PTPRT: variants seen among roughly 807,000 people sequenced by gnomAD.
PTPRT encodes the protein protein tyrosine phosphatase receptor type T, also known as receptor-type tyrosine-protein phosphatase T.
In PTPRT, 56 loss-of-function variants were observed where a neutral mutation model predicts 176.8. The observed-to-expected ratio is 0.32, with a 90% CI of 0.26 to 0.40. The LOEUF is 0.40. Ranked by LOEUF, PTPRT falls within the 10% of genes least tolerant of loss-of-function variation. The probability of loss-of-function intolerance (pLI) is 1.00; values close to 1 mark genes in which losing one functional copy is unlikely to be tolerated. For synonymous variants in PTPRT, 783 were observed against 739.0 expected (o/e 1.06, Z -0.96); for missense variants, 1,540 against 1,908.2 (o/e 0.81, Z 3.60).
In PTPRT at chr20:42,169,743, A is replaced by AACACACACACACAC. The variant is rs56329932; in HGVS notation, c.2492-8215_2492-8202dup. On this transcript the variant is annotated intron_variant, in intron 16 of 30. Transcript: ENST00000373187. ...GATACCGTGAAAAGTACAATTTTCA[A>AACACACACACACAC]ACACACACACACACACACACACACA... is the stretch of plus-strand genomic sequence containing the variant. Among the ~76,000 whole-genome samples the AACACACACACACAC allele has an allele frequency of 1.8e-3, 190 of 104,624 alleles. 2 individuals carry two copies. The highest frequency in any genetic ancestry group is 4.9e-3 in the African/African-American group (127 of 25,992). The allele number at this position is 104,624 out of a possible 152,430, so 68.6% of individuals were successfully genotyped here.
chr20:42,111,372 A>G (rs996322265), intron 22 of PTPRT, among the ~76,000 whole-genome samples: 10 of 152,324 alleles, frequency 6.6e-5, no homozygotes, highest in Admixed American at 1.3e-4. Context: ...GCCTTGTGCT[A>G]GGTACTAGGA....
At chr20:42,893,915 G>A (rs2079244115) in intron 1 of PTPRT, among the ~76,000 whole-genome samples, 1 of 151,846 alleles carries the variant, frequency 6.6e-6, no homozygotes. Context: ...AATGCTAAAT[G>A]ACGAGTTAAT....
At chr20:42,706,827 C>G (rs573928878) in intron 6 of PTPRT, among the ~76,000 whole-genome samples, 2 of 152,322 alleles carry the variant, frequency 1.3e-5, no homozygotes, top group South Asian at 4.1e-4. Flanking sequence ...CTCAGTACCT[C>G]AGAATGTTAC....
At chr20:42,107,031 TTA>T (rs1986517638) in intron 23 of PTPRT, 110 bp from the exon 24 acceptor site, 2 of 1,366,520 alleles carry the variant, frequency 1.5e-6, no homozygotes, top group South Asian at 3.0e-5. Context: ...AGGCTCTAGA[TTA>T]TGTGTTCCCA....
At chr20:42,461,249 C>T (rs2071013778) in intron 8 of PTPRT, among the ~76,000 whole-genome samples, 1 of 152,220 alleles carries the variant, frequency 6.6e-6, no homozygotes, top group African/African-American at 2.4e-5. Context: ...ATGGCTTGAA[C>T]CTGGGAGGCG....
chr20:42,418,210 G>T (rs2059084355), intron 9 of PTPRT, among the ~76,000 whole-genome samples: 1 of 152,134 alleles, frequency 6.6e-6, no homozygotes, highest in African/African-American at 2.4e-5. Context: ...AAATTACATG[G>T]TCAAATGATA....
intron 7 of PTPRT, among the ~76,000 whole-genome samples, chr20:42,521,696 T>C (rs1341898221): frequency 6.6e-6 from 1 of 152,236 alleles, no homozygotes; most frequent in African/African-American, 2.4e-5. Flanking sequence ...TTCCTGCATG[T>C]TGATAGCAAT....
intron 6 of PTPRT, among the ~76,000 whole-genome samples, chr20:42,733,710 G>T (rs1442146550): frequency 6.6e-6 from 1 of 152,206 alleles, no homozygotes; most frequent in Non-Finnish European, 1.5e-5. Flanking sequence ...GCCATCGGAG[G>T]CTACAGGCTT....
chr20:42,224,721 T>C (rs980818413), intron 15 of PTPRT, among the ~76,000 whole-genome samples: 13 of 152,204 alleles, frequency 8.5e-5, no homozygotes, highest in African/African-American at 2.9e-4. Context: ...CCTCTCTTTA[T>C]AGACTGTGGC....
intron 3 of PTPRT, among the ~76,000 whole-genome samples, chr20:42,786,785 C>G (rs1419773437): frequency 6.6e-6 from 1 of 152,166 alleles, no homozygotes; most frequent in African/African-American, 2.4e-5. Flanking sequence ...TGCCCATGAG[C>G]TTTTAGAGAT....
intron 2 of PTPRT, among the ~76,000 whole-genome samples, chr20:42,818,757 C>T (rs2077836355): frequency 6.6e-6 from 1 of 152,150 alleles, no homozygotes; most frequent in Non-Finnish European, 1.5e-5. Flanking sequence ...GAAGCATACA[C>T]AAGCATCAAC....
At chr20:42,633,918 A>AT (rs1344704143) in intron 7 of PTPRT, among the ~76,000 whole-genome samples, 39 of 61,880 alleles carry the variant, frequency 6.3e-4, no homozygotes, top group South Asian at 2.5e-3. Flanking sequence ...ATATAATTAT[A>AT]TATAATATAT....
intron 2 of PTPRT, among the ~76,000 whole-genome samples, chr20:42,809,147 A>G (rs1056062548): frequency 7.2e-5 from 11 of 152,216 alleles, no homozygotes; most frequent in African/African-American, 2.7e-4. Context: ...TTGAATCAAA[A>G]GCCCAAGCAC....
In PTPRT at chr20:42,315,184, C is replaced by CAAA. The variant is rs71193656; in HGVS notation, c.2139+536_2139+538dup. On this transcript the variant is annotated intron_variant, in intron 12 of 30. Coordinates refer to ENST00000373187, the MANE Select transcript of PTPRT (RefSeq NM_007050.6). Reference sequence around the variant, plus strand: ...TGGGCGACAGAGCGAGGCTCCGTCTCAAAAAAAAAAAAAAAAAAAAAAAAA... The same window carrying CAAA: ...TGGGCGACAGAGCGAGGCTCCGTCTCAAAAAAAAAAAAAAAAAAAAAAAAAAAA... Among the ~76,000 whole-genome samples, 231 of 63,324 alleles carry CAAA rather than the reference C, an allele frequency of 3.6e-3. 4 individuals carry two copies. Among genetic ancestry groups the CAAA allele is most frequent in the African/African-American group, 0.016 (220 of 14,080 alleles). 41.5% of individuals were successfully genotyped at this position (63,324 alleles called of 152,430 possible).
intron 1 of PTPRT, among the ~76,000 whole-genome samples, chr20:43,083,339 T>TATATGTATATATATAC (rs2011501973): frequency 2.7e-5 from 3 of 109,226 alleles, no homozygotes; most frequent in African/African-American, 1.0e-4. Context: ...TATATATATA[T>TATATGTATATATATAC]ATATATATAT....
At position 42,539,361 on chromosome 20, in the gene PTPRT, CTTT is replaced by C. The variant is rs71193665; in HGVS notation, c.1154-66802_1154-66800del. 3.6e-3 allele frequency among the ~76,000 whole-genome samples: 478 copies of C among 134,200 alleles called. 1 individual carries two copies. The highest frequency in any genetic ancestry group is 0.012 in the African/African-American group (439 of 36,828). 88.0% of individuals were successfully genotyped at this position (134,200 alleles called of 152,430 possible). On this transcript the variant is annotated intron_variant, in intron 7 of 30. Transcript: ENST00000373187. ...TTACAAAAGTGGAGGATCACCATCA[CTTT>C]TTTTTTTTTTTTTTGTGGTAATCGC...
At chr20:42,621,729 A>G (rs766258350) in intron 7 of PTPRT, among the ~76,000 whole-genome samples, 1 of 152,144 alleles carries the variant, frequency 6.6e-6, no homozygotes, top group Non-Finnish European at 1.5e-5. Flanking sequence ...ATCTAGTACT[A>G]TGAATTAAAC....
rs140900139 is a variant in PTPRT at position 42,847,439 on chromosome 20, C to T, written c.214+38368G>A. Among the ~76,000 whole-genome samples the T allele has an allele frequency of 5.8e-3, 885 of 152,274 alleles. 4 individuals carry two copies. Among genetic ancestry groups the T allele is most frequent in the Non-Finnish European group, 9.6e-3 (652 of 68,016 alleles). ...CATTGGCAGAGCCTATACAGGCCAG[C>T]CTTTCAGGGCAGTGAGCAGGGTGGA... On this transcript the variant is annotated intron_variant, in intron 2 of 30. Coordinates refer to ENST00000373187, the MANE Select transcript of PTPRT (RefSeq NM_007050.6).
intron 2 of PTPRT, among the ~76,000 whole-genome samples, chr20:42,881,522 C>T (rs777929210): frequency 9.2e-5 from 14 of 151,860 alleles, no homozygotes; most frequent in East Asian, 1.9e-4. Context: ...GTCAGGAGGT[C>T]GAGACCAGCC....
Sources: gnomAD v4.1 joint callset for allele counts (sites outside exome capture counted in the v4.1 genomes callset) on GRCh38, gnomAD v4.1.1 for gene constraint, MANE v1.5 for transcripts, NCBI Gene and HGNC (gene_info 2026-07-23, HGNC 2026-07-21) for gene names.